ROBO2: variants seen among roughly 807,000 people sequenced by gnomAD.
ROBO2 encodes roundabout guidance receptor 2, also known as roundabout homolog 2.
ROBO2 carries 53 observed loss-of-function variants against 160.8 expected under a neutral mutation model. The ratio of observed to expected loss-of-function variants is 0.33; its 90% confidence interval spans 0.26 to 0.41. The LOEUF is 0.41. Ranked by LOEUF, ROBO2 falls within the 10% of genes least tolerant of loss-of-function variation. ROBO2 has a pLI of 1.00. For missense variants in ROBO2, 1,577 were observed against 1,722.4 expected (o/e 0.92, Z 1.49); for synonymous variants, 664 against 611.7 (o/e 1.09, Z -1.26).
At chr3:76,434,097 T>G (rs1477913777) in intron 2 of ROBO2, 3 of 1,271,946 alleles carry the variant, frequency 2.4e-6, no homozygotes, top group African/African-American at 2.9e-5. Flanking sequence ...ACCTCTGACA[T>G]GCACCGTGGG....
intron 2 of ROBO2, among the ~76,000 whole-genome samples, chr3:76,675,458 A>G (rs2092383504): frequency 6.6e-6 from 1 of 152,180 alleles, no homozygotes; most frequent in South Asian, 2.1e-4. Context: ...ACATTTACAA[A>G]TGCATATGGC....
At chr3:76,737,114 AT>A (rs2107965883) in intron 2 of ROBO2, among the ~76,000 whole-genome samples, 1 of 152,342 alleles carries the variant, frequency 6.6e-6, no homozygotes, top group East Asian at 1.9e-4. Context: ...TGCAATAATT[AT>A]AACCATAGCT....
chr3:77,145,619 G>T (rs935321697), intron 2 of ROBO2, among the ~76,000 whole-genome samples: 1 of 152,014 alleles, frequency 6.6e-6, no homozygotes, highest in Non-Finnish European at 1.5e-5. Context: ...ATCTAGTAAG[G>T]GAGCACTTTT....
At chr3:76,130,143 A>G (rs2071170738) in intron 2 of ROBO2, among the ~76,000 whole-genome samples, 1 of 152,094 alleles carries the variant, frequency 6.6e-6, no homozygotes, top group Non-Finnish European at 1.5e-5. Flanking sequence ...GGTAATATAT[A>G]TGCTTTTTCT....
rs1403014314 is a variant in ROBO2, at chr3:77,608,671, C to CA, written c.3293+723dup. 2.6e-5 allele frequency among the ~76,000 whole-genome samples: 4 copies of CA among 152,016 alleles called. No homozygotes were observed. In the East Asian group the frequency reaches 7.7e-4, roughly 29 times the overall value. On this transcript the variant is annotated intron_variant, in intron 21 of 25. Coordinates refer to ENST00000461745, the Ensembl canonical transcript of ROBO2. ...AATTCCAAGAAAAACAAAAATTGGT[C>CA]AAAAAATCATACTGTTTCCTTTTCT...
intron 2 of ROBO2, among the ~76,000 whole-genome samples, chr3:76,164,909 C>A (rs1156970794): frequency 1.3e-5 from 2 of 152,142 alleles, no homozygotes; most frequent in African/African-American, 4.8e-5. Context: ...GGACAGTGAA[C>A]AAAACCAATT....
chr3:76,061,671 T>C (rs1238130032), intron 2 of ROBO2, among the ~76,000 whole-genome samples: 11 of 152,168 alleles, frequency 7.2e-5, no homozygotes, highest in Admixed American at 7.2e-4. Context: ...TCACACTTAT[T>C]AATTGTATTA....
At chr3:76,292,632 A>G (rs1249462730) in intron 2 of ROBO2, among the ~76,000 whole-genome samples, 1 of 152,194 alleles carries the variant, frequency 6.6e-6, no homozygotes. Context: ...GTTTAAACTC[A>G]AATCATAAGA....
intron 2 of ROBO2, among the ~76,000 whole-genome samples, chr3:76,678,471 A>G (rs1327454352): frequency 6.6e-6 from 1 of 152,096 alleles, no homozygotes; most frequent in African/African-American, 2.4e-5. Flanking sequence ...AGATCCACTG[A>G]TGATCAGGTT....
intron 2 of ROBO2, among the ~76,000 whole-genome samples, chr3:76,517,112 G>A (rs535968717): frequency 2.0e-5 from 3 of 152,016 alleles, no homozygotes; most frequent in African/African-American, 7.2e-5. Context: ...TTAATATAAC[G>A]GTTATAAAAT....
intron 2 of ROBO2, among the ~76,000 whole-genome samples, chr3:77,123,844 T>G (rs2075035611): frequency 6.7e-6 from 1 of 149,266 alleles, no homozygotes; most frequent in Non-Finnish European, 1.5e-5. Context: ...AGATATATAA[T>G]CTATCTATAT....
At chr3:77,310,230 A>T (rs1210888536) in intron 2 of ROBO2, among the ~76,000 whole-genome samples, 1 of 152,150 alleles carries the variant, frequency 6.6e-6, no homozygotes, top group African/African-American at 2.4e-5. Flanking sequence ...AAAAAGCTAA[A>T]TCTAACATTG....
At chr3:76,886,752 T>C (rs1254164571) in intron 2 of ROBO2, among the ~76,000 whole-genome samples, 1 of 151,818 alleles carries the variant, frequency 6.6e-6, no homozygotes, top group Non-Finnish European at 1.5e-5. Flanking sequence ...ATGGTCACGT[T>C]ATAAAGTGAT....
intron 2 of ROBO2, among the ~76,000 whole-genome samples, chr3:76,893,118 G>C (rs2074478203): frequency 6.6e-6 from 1 of 151,918 alleles, no homozygotes; most frequent in African/African-American, 2.4e-5. Context: ...TAAAAATGTT[G>C]GCTGCCTCTT....
At chr3:76,421,757 A>G (rs2076006233) in intron 2 of ROBO2, among the ~76,000 whole-genome samples, 1 of 152,114 alleles carries the variant, frequency 6.6e-6, no homozygotes, top group Non-Finnish European at 1.5e-5. Context: ...ATTTGTCCAT[A>G]CAACATTATT....
At chr3:77,026,271 G>C (rs1329574546) in intron 2 of ROBO2, among the ~76,000 whole-genome samples, 2 of 152,124 alleles carry the variant, frequency 1.3e-5, no homozygotes, top group Admixed American at 6.6e-5. Flanking sequence ...AAGGATGCTA[G>C]TGTGCTGTTT....
chr3:76,378,350 T>G (rs1350678515), intron 2 of ROBO2, among the ~76,000 whole-genome samples: 1 of 152,258 alleles, frequency 6.6e-6, no homozygotes, highest in Middle Eastern at 3.4e-3. Context: ...GTAATAATAT[T>G]AGAGATTTAT....
rs1022229477 is a variant in ROBO2, at chr3:76,861,769, T to A, written c.110-236245T>A. Among the ~76,000 whole-genome samples the A allele has an allele frequency of 4.7e-4, 71 of 152,316 alleles. No homozygotes were observed. In the Middle Eastern group the frequency reaches 0.01, roughly 22 times the overall value. On this transcript the variant is annotated intron_variant, in intron 2 of 26. Coordinates refer to the ROBO2 transcript ENST00000487694. ...TCCTCAAAACATGATTTTTAATTCA[T>A]GTCTTATTAAGATTGGTGACTTCCC...
chr3:77,329,002 C>G (rs1008377255), intron 2 of ROBO2, among the ~76,000 whole-genome samples: 1 of 152,172 alleles, frequency 6.6e-6, no homozygotes, highest in Admixed American at 6.5e-5. Context: ...CTTGCGTTCT[C>G]TTGTCAAACT....
Sources: gnomAD v4.1 joint callset for allele counts (sites outside exome capture counted in the v4.1 genomes callset) on GRCh38, gnomAD v4.1.1 for gene constraint, MANE v1.5 for transcripts, NCBI Gene and HGNC (gene_info 2026-07-23, HGNC 2026-07-21) for gene names.